The following CNTNAP2 variants were observed in gnomAD, a reference collection of about 807,000 sequenced individuals.
The protein encoded by CNTNAP2 is contactin-associated protein-like 2.
Under a neutral mutation model 155.2 loss-of-function variants are expected in CNTNAP2, and 98 were observed. The ratio of observed to expected loss-of-function variants is 0.63; its 90% CI spans 0.54 to 0.75. The LOEUF (loss-of-function observed/expected upper bound fraction) is 0.75, where lower values mean the gene tolerates loss of function less well. Among genes scored for constraint, CNTNAP2 ranks in the 30% least tolerant of loss-of-function variants. The pLI is 0.00. For synonymous variants in CNTNAP2, 651 were observed against 631.2 expected (o/e 1.03, Z -0.47); for missense variants, 1,727 against 1,688.1 (o/e 1.02, Z -0.40).
At chr7:147,034,690 A>G (rs1213079020) in intron 3 of CNTNAP2, among the ~76,000 whole-genome samples, 2 of 152,018 alleles carry the variant, frequency 1.3e-5, no homozygotes, top group Admixed American at 1.3e-4. Flanking sequence ...AGCGAGGTGG[A>G]TGGGGAGGTC....
chr7:147,891,255 A>G (rs1280802067), intron 13 of CNTNAP2, among the ~76,000 whole-genome samples: 1 of 151,156 alleles, frequency 6.6e-6, no homozygotes, highest in Non-Finnish European at 1.5e-5. Context: ...CCCAGGCTGG[A>G]GCGCAGTGGT....
At chr7:147,889,563 A>G (rs1433243370) in intron 13 of CNTNAP2, among the ~76,000 whole-genome samples, 1 of 152,200 alleles carries the variant, frequency 6.6e-6, no homozygotes, top group Non-Finnish European at 1.5e-5. Context: ...TACTGAAAAT[A>G]CCTAATGCTA....
chr7:146,840,040 TG>T (rs1483216835), intron 3 of CNTNAP2, 136 bp downstream of exon 3: 14 of 1,074,556 alleles, frequency 1.3e-5, no homozygotes, highest in Non-Finnish European at 1.9e-5. Context: ...TCATCATTGT[TG>T]ATGGAAGAAA....
At chr7:146,129,739 T>C (rs1563133008) in intron 1 of CNTNAP2, among the ~76,000 whole-genome samples, 1 of 152,216 alleles carries the variant, frequency 6.6e-6, no homozygotes, top group Admixed American at 6.5e-5. Context: ...TACTTATGCT[T>C]TCTTAATTTC....
intron 2 of CNTNAP2, among the ~76,000 whole-genome samples, chr7:146,784,266 C>T (rs961019419): frequency 1.3e-5 from 2 of 152,176 alleles, no homozygotes; most frequent in Non-Finnish European, 2.9e-5. Context: ...AATGCTATCA[C>T]ATTGATCCCT....
At chr7:147,060,036 G>A (rs1486839732) in intron 4 of CNTNAP2, among the ~76,000 whole-genome samples, 1 of 152,046 alleles carries the variant, frequency 6.6e-6, no homozygotes, top group Non-Finnish European at 1.5e-5. Context: ...ATCTTCATTA[G>A]GAACTATCTT....
At chr7:148,150,212 A>T (rs1450645096) in intron 17 of CNTNAP2, among the ~76,000 whole-genome samples, 1 of 151,684 alleles carries the variant, frequency 6.6e-6, no homozygotes, top group Non-Finnish European at 1.5e-5. Context: ...GGAGTTCAAG[A>T]CCATCCTGGC....
chr7:147,895,472 T>C (rs1309027611), intron 13 of CNTNAP2, among the ~76,000 whole-genome samples: 1 of 152,228 alleles, frequency 6.6e-6, no homozygotes, highest in Non-Finnish European at 1.5e-5. Context: ...TGCCTTACTT[T>C]GATAATTTAG....
intron 3 of CNTNAP2, among the ~76,000 whole-genome samples, chr7:146,954,835 C>T (rs1012907846): frequency 8.6e-5 from 13 of 151,874 alleles, no homozygotes; most frequent in African/African-American, 3.1e-4. Context: ...TCTAGCTTTA[C>T]TTTTTTCACC....
intron 9 of CNTNAP2, among the ~76,000 whole-genome samples, chr7:147,327,943 C>T (rs1795491041): frequency 1.3e-5 from 2 of 151,934 alleles, no homozygotes; most frequent in South Asian, 4.2e-4. Context: ...TGATTAGAAA[C>T]CAAAGAATCT....
At chr7:146,410,821 A>C (rs1410372820) in intron 1 of CNTNAP2, among the ~76,000 whole-genome samples, 1 of 152,116 alleles carries the variant, frequency 6.6e-6, no homozygotes, top group Admixed American at 6.5e-5. Context: ...TGCTTCTCTG[A>C]GTTCAACTTT....
intron 1 of CNTNAP2, among the ~76,000 whole-genome samples, chr7:146,490,327 C>T (rs1259678223): frequency 6.6e-6 from 1 of 151,838 alleles, no homozygotes; most frequent in Non-Finnish European, 1.5e-5. Flanking sequence ...AGCTTATATT[C>T]CAAAGGAAGA....
At position 147,472,581 on chromosome 7, in the gene CNTNAP2, A is replaced by G. The variant is rs534972980; in HGVS notation, c.1671-13354A>G. Among the ~76,000 whole-genome samples the G allele has an allele frequency of 2.6e-5, 4 of 152,260 alleles. No individual in the cohort carries two copies. In the South Asian group the frequency reaches 8.3e-4, roughly 32 times the overall value. On this transcript the variant is annotated intron_variant, in intron 10 of 23. Transcript: ENST00000361727. ...TGCCATTTTATTGAGAATGAATTAA[A>G]GCAAGGCAAGATTTGGAAGGGGCAG...
chr7:147,588,226 C>CA (rs1349656848), intron 12 of CNTNAP2, among the ~76,000 whole-genome samples: 6 of 151,360 alleles, frequency 4.0e-5, no homozygotes, highest in Non-Finnish European at 8.8e-5. Context: ...CAAAACGAAA[C>CA]AAAAAACAGA....
intron 13 of CNTNAP2, among the ~76,000 whole-genome samples, chr7:147,871,433 T>C (rs910560466): frequency 6.6e-5 from 10 of 152,198 alleles, no homozygotes; most frequent in African/African-American, 2.4e-4. Flanking sequence ...TGAACTGTAA[T>C]ATTAGCTACT....
chr7:147,314,297 A>G (rs1221244087), intron 9 of CNTNAP2, among the ~76,000 whole-genome samples: 1 of 152,192 alleles, frequency 6.6e-6, no homozygotes, highest in Non-Finnish European at 1.5e-5. Context: ...CTAGTAACAT[A>G]TAATTCAGCC....
At chr7:147,543,525 T>C (rs1584802230) in intron 11 of CNTNAP2, among the ~76,000 whole-genome samples, 1 of 152,344 alleles carries the variant, frequency 6.6e-6, no homozygotes, top group Non-Finnish European at 1.5e-5. Context: ...GTGAAAGTTT[T>C]TTCCTACTTT....
At chr7:146,528,320 G>T (rs1436309534) in intron 1 of CNTNAP2, among the ~76,000 whole-genome samples, 1 of 152,144 alleles carries the variant, frequency 6.6e-6, no homozygotes, top group African/African-American at 2.4e-5. Context: ...CCTGTTCTGT[G>T]CACTGTTCTT....
intron 12 of CNTNAP2, among the ~76,000 whole-genome samples, chr7:147,563,760 G>C (rs564560567): frequency 6.6e-6 from 1 of 152,104 alleles, no homozygotes; most frequent in Non-Finnish European, 1.5e-5. Context: ...TTTGTCTTTG[G>C]TTTTGTTTTC....
Sources: allele counts gnomAD v4.1 joint callset (sites outside exome capture counted in the v4.1 genomes callset), GRCh38; gene constraint gnomAD v4.1.1; transcripts MANE v1.5; gene names NCBI Gene and HGNC (gene_info 2026-07-23, HGNC 2026-07-21).